The following DCHS2 variants were observed in gnomAD, a reference collection of about 807,000 sequenced individuals.
The protein encoded by DCHS2 is dachsous cadherin-related 2.
A neutral mutation model predicts 182.4 loss-of-function variants in DCHS2; 142 were observed. The ratio of observed to expected loss-of-function variants is 0.78; its 90% CI spans 0.68 to 0.89. The LOEUF is 0.89. Among genes scored for constraint, DCHS2 ranks in the 40% least tolerant of loss-of-function variants. The probability of loss-of-function intolerance (pLI) is 0.00; values close to 1 mark genes in which losing one functional copy is unlikely to be tolerated. For synonymous variants in DCHS2, 1,740 were observed against 1,663.3 expected (o/e 1.05, Z -1.12); for missense variants, 4,319 against 4,198.6 (o/e 1.03, Z -0.79).
chr4:154,443,859 C>A (rs1734138726), intron 1 of DCHS2, among the ~76,000 whole-genome samples: 1 of 152,204 alleles, frequency 6.6e-6, no homozygotes, highest in Admixed American at 6.5e-5. Flanking sequence ...TATTCCACTC[C>A]ATTAAAACTG....
intron 13 of DCHS2, among the ~76,000 whole-genome samples, chr4:154,273,164 C>T (rs1733675866): frequency 6.6e-6 from 1 of 152,044 alleles, no homozygotes; most frequent in African/African-American, 2.4e-5. Context: ...TAGGGCAGCA[C>T]AATTCACAAT....
chr4:154,459,272 T>C, intron 1 of DCHS2, among the ~76,000 whole-genome samples: 1 of 152,076 alleles, frequency 6.6e-6, no homozygotes, highest in Non-Finnish European at 1.5e-5. Context: ...ATCTCTCGTT[T>C]AAAAACCCTG....
intron 17 of DCHS2, among the ~76,000 whole-genome samples, chr4:154,241,239 C>T (rs1022999961): frequency 1.3e-5 from 2 of 152,036 alleles, no homozygotes; most frequent in East Asian, 1.9e-4. Flanking sequence ...TTTTCAAAAA[C>T]AGGCCAGGTT....
chr4:154,252,006 A>T (rs937251377), intron 16 of DCHS2, among the ~76,000 whole-genome samples: 5 of 151,628 alleles, frequency 3.3e-5, no homozygotes, highest in African/African-American at 1.2e-4. Context: ...AAAACTAAAA[A>T]TTATTTAATA....
At chr4:154,406,941 A>T (rs1173473841) in intron 1 of DCHS2, among the ~76,000 whole-genome samples, 8 of 152,196 alleles carry the variant, frequency 5.3e-5, no homozygotes, top group Admixed American at 1.3e-4. Context: ...ACAAAAGAAA[A>T]AAGATGCCAC....
chr4:154,455,176 T>C (rs971191644), intron 1 of DCHS2, among the ~76,000 whole-genome samples: 1 of 152,248 alleles, frequency 6.6e-6, no homozygotes, highest in African/African-American at 2.4e-5. Context: ...TGCTTTCTGG[T>C]ACTGGTGTTC....
chr4:154,297,914 C>T lies in DCHS2; in HGVS notation c.6400G>A (p.Asp2134Asn). The T allele has an allele frequency of 1.2e-6, 2 of 1,614,114 alleles. No individual in the cohort carries two copies. Among genetic ancestry groups the T allele is most frequent in the South Asian group, 1.1e-5 (1 of 91,078 alleles). ...TGGTGGCTGAAGGAAATCTTTACATCTTCTCCTTCCATGTGAATGACCAAG... is the reference window on the plus strand; with the variant it reads ...TGGTGGCTGAAGGAAATCTTTACATTTTCTCCTTCCATGTGAATGACCAAG... Reference protein sequence around the residue: ...GLLVIHMEGEDVKISFSHHLY... With the variant: ...GLLVIHMEGENVKISFSHHLY... Residue 2134 changes from aspartate to asparagine, a missense_variant, in exon 13 of 20, where the codon GAT becomes AAT. Transcript: ENST00000357232.
At chr4:154,420,445 A>G (rs1733065063) in intron 1 of DCHS2, among the ~76,000 whole-genome samples, 2 of 152,202 alleles carry the variant, frequency 1.3e-5, no homozygotes. Flanking sequence ...ATACCTCAGT[A>G]CGTGTCCAAA....
chr4:154,321,940 T>A (rs1716374583), intron 8 of DCHS2, among the ~76,000 whole-genome samples: 1 of 152,102 alleles, frequency 6.6e-6, no homozygotes, highest in Non-Finnish European at 1.5e-5. Context: ...ATTAAAAAAA[T>A]TACAAAAATC....
chr4:154,373,815 G>T, intron 2 of DCHS2: 1 of 856,888 alleles, frequency 1.2e-6, no homozygotes, highest in Non-Finnish European at 1.9e-6. Context: ...AGATGGAGAA[G>T]GTGTGCAAGC....
At position 154,236,353 on chromosome 4, in the gene DCHS2, G is replaced by A. The variant is rs758186566; in HGVS notation, c.8299C>T (p.Pro2767Ser). ...VSVLDDNDHA[P>S]QFMFSSFSCI... ...CTGAAGCTTGAGAACATAAACTGAG[G>A]TGCATGGTCGTTATCATCCAGGACA... The change falls in exon 20 of 20, where the codon CCT becomes TCT. Residue 2767 changes from proline to serine, a missense_variant. By Grantham distance (74) the Pro-to-Ser change is moderately conservative. Transcript: ENST00000357232. 1 of 1,614,044 alleles carries A rather than the reference G, an allele frequency of 6.2e-7. No homozygotes were observed. The highest frequency in any genetic ancestry group is 1.1e-5 in the South Asian group (1 of 91,086).
rs376918412 is a variant in DCHS2 at position 154,236,608 on chromosome 4, T to C, written c.8044A>G (p.Ser2682Gly). 4.3e-6 allele frequency: 7 copies of C among 1,613,864 alleles called. No homozygotes were observed. In the African/African-American group the frequency reaches 9.3e-5, roughly 22 times the overall value. Residue 2682 changes from serine to glycine, a missense_variant, in exon 20 of 20, where the codon AGT becomes GGT. Physicochemically the swap from Ser to Gly is moderately conservative, Grantham distance 56. Coordinates refer to ENST00000357232, the MANE Select transcript of DCHS2 (RefSeq NM_001358235.2). ...TTTGCTGAGACCACAGTGATGTGAC[T>C]CCCTAGAGGGGTGCTTTCCTTGACA... ...THVKESTPLG[S>G]HITVVSANDR...
intron 15 of DCHS2, among the ~76,000 whole-genome samples, chr4:154,259,068 G>A (rs1732843372): frequency 6.6e-6 from 1 of 152,126 alleles, no homozygotes; most frequent in Non-Finnish European, 1.5e-5. Context: ...CCCTGTGAAT[G>A]GATGCTTCTC....
chr4:154,340,161 C>T (rs748135459), intron 3 of DCHS2, among the ~76,000 whole-genome samples: 3 of 151,996 alleles, frequency 2.0e-5, no homozygotes, highest in Non-Finnish European at 2.9e-5. Context: ...ATGTGGGCCT[C>T]TAAAAATAAT....
At chr4:154,288,125 T>C (rs1219104529) in intron 13 of DCHS2, among the ~76,000 whole-genome samples, 1 of 151,882 alleles carries the variant, frequency 6.6e-6, no homozygotes, top group Non-Finnish European at 1.5e-5. Context: ...TCAAAAGACA[T>C]AGTATGGTTA....
At chr4:154,428,399 C>T (rs1304030555) in intron 1 of DCHS2, among the ~76,000 whole-genome samples, 1 of 151,600 alleles carries the variant, frequency 6.6e-6, no homozygotes, top group East Asian at 1.9e-4. Context: ...ATTAGCCAGG[C>T]GTGGTGGTAT....
At chr4:154,325,578 T>C (rs1193245751) in intron 7 of DCHS2, among the ~76,000 whole-genome samples, 2 of 151,580 alleles carry the variant, frequency 1.3e-5, no homozygotes, top group East Asian at 3.9e-4. Context: ...ATTTGAGAAG[T>C]AACAAAAGGG....
chr4:154,491,452 A>C lies in DCHS2; in HGVS notation c.-97T>G. Reference sequence around the variant, plus strand: ...AGCCTCTTCAGTGTCTGAGCCAGAGAAGAAAAGACTTTGTTTGGCAAACAA... The same window carrying C: ...AGCCTCTTCAGTGTCTGAGCCAGAGCAGAAAAGACTTTGTTTGGCAAACAA... On this transcript the variant is annotated 5_prime_UTR_variant, in exon 1 of 20. Coordinates refer to ENST00000357232, the MANE Select transcript of DCHS2 (RefSeq NM_001358235.2). The C allele has an allele frequency of 7.1e-7, 1 of 1,417,534 alleles. No homozygotes were observed. The highest frequency in any genetic ancestry group is 9.2e-7 in the Non-Finnish European group (1 of 1,089,384). 87.8% of individuals were successfully genotyped at this position (1,417,534 alleles called of 1,614,324 possible).
At chr4:154,419,829 A>G (rs1201820827) in intron 1 of DCHS2, among the ~76,000 whole-genome samples, 1 of 151,214 alleles carries the variant, frequency 6.6e-6, no homozygotes, top group Non-Finnish European at 1.5e-5. Flanking sequence ...ACCAAAAAAA[A>G]AAAAAAAGCC....
Sources: gnomAD v4.1 joint callset for allele counts (sites outside exome capture counted in the v4.1 genomes callset) on GRCh38, gnomAD v4.1.1 for gene constraint, MANE v1.5 for transcripts, NCBI Gene and HGNC (gene_info 2026-07-23, HGNC 2026-07-21) for gene names.